Variants in SPIDR observed in about 807,000 individuals in gnomAD.
SPIDR encodes DNA repair-scaffolding protein.
In SPIDR, 93 loss-of-function variants were observed where a neutral mutation model predicts 104.6. That is an observed-to-expected ratio of 0.89 (90% CI 0.75 to 1.06). The LOEUF (loss-of-function observed/expected upper bound fraction) is 1.06, where lower values mean the gene tolerates loss of function less well. Ranked by LOEUF, SPIDR falls within the 50% of genes least tolerant of loss-of-function variation. The pLI is 0.00. For missense variants in SPIDR, 1,154 were observed against 1,111.2 expected (o/e 1.04, Z -0.55); for synonymous variants, 431 against 416.9 (o/e 1.03, Z -0.41).
At chr8:47,625,628 C>T (rs929331568) in intron 10 of SPIDR, among the ~76,000 whole-genome samples, 2 of 151,984 alleles carry the variant, frequency 1.3e-5, no homozygotes, top group African/African-American at 4.8e-5. Context: ...GAGTGAACTC[C>T]CATTCACAAT....
At chr8:47,716,714 G>T (rs2082635907) in intron 16 of SPIDR, among the ~76,000 whole-genome samples, 1 of 152,044 alleles carries the variant, frequency 6.6e-6, no homozygotes, top group Non-Finnish European at 1.5e-5. Flanking sequence ...AGGGTGGGTG[G>T]CCTTAGGACC....
At chr8:47,594,672 G>A (rs2154422112) in intron 8 of SPIDR, among the ~76,000 whole-genome samples, 1 of 152,114 alleles carries the variant, frequency 6.6e-6, no homozygotes, top group Non-Finnish European at 1.5e-5. Flanking sequence ...GGCTCCTTCA[G>A]CTCAAAACCT....
intron 10 of SPIDR, among the ~76,000 whole-genome samples, chr8:47,648,117 G>A (rs1345125137): frequency 6.6e-6 from 1 of 152,226 alleles, no homozygotes; most frequent in Non-Finnish European, 1.5e-5. Flanking sequence ...AAGCAAGAGA[G>A]TCTGAGTCCT....
At chr8:47,691,153 A>G (rs901005383) in intron 11 of SPIDR, among the ~76,000 whole-genome samples, 7 of 151,688 alleles carry the variant, frequency 4.6e-5, no homozygotes, top group East Asian at 1.9e-4. Flanking sequence ...TTAGCCCTGC[A>G]TGGTGGTGCA....
At chr8:47,447,412 C>T (rs1554702697) in intron 8 of SPIDR, among the ~76,000 whole-genome samples, 1 of 151,996 alleles carries the variant, frequency 6.6e-6, no homozygotes, top group Non-Finnish European at 1.5e-5. Flanking sequence ...TGGGGTTTCA[C>T]CATGTTGGCC....
In SPIDR at chr8:47,733,394, G is replaced by T. The variant is rs181101139; in HGVS notation, c.2605-1913G>T. Among the ~76,000 whole-genome samples the T allele has an allele frequency of 9.8e-4, 149 of 152,200 alleles. 1 individual carries two copies. The highest frequency in any genetic ancestry group is 3.0e-3 in the African/African-American group (126 of 41,526). On this transcript the variant is annotated intron_variant, in intron 19 of 19. Coordinates refer to ENST00000297423, the MANE Select transcript of SPIDR (RefSeq NM_001080394.4). ...AGAGCAAGACTCAGTCTCAAAAAAA[G>T]TAATAAAAAATTTTAAACTCCATTT...
At chr8:47,399,751 C>G (rs1245839803) in intron 6 of SPIDR, among the ~76,000 whole-genome samples, 1 of 152,108 alleles carries the variant, frequency 6.6e-6, no homozygotes, top group African/African-American at 2.4e-5. Context: ...AATAATGACC[C>G]GTGAAGCCTA....
chr8:47,299,832 G>A lies in SPIDR; in HGVS notation c.525+5802G>A, dbSNP rs868994685. ...GATCATGGTGGATAAGGTTTTTGAT[G>A]TGCTGCTGGATTCGGTGTGCCAGTG... On this transcript the variant is annotated intron_variant, in intron 5 of 19. Coordinates refer to ENST00000297423, the MANE Select transcript of SPIDR (RefSeq NM_001080394.4). 2.2e-4 allele frequency among the ~76,000 whole-genome samples: 33 copies of A among 152,280 alleles called. 1 individual carries two copies. Among genetic ancestry groups the A allele is most frequent in the African/African-American group, 6.5e-4 (27 of 41,556 alleles).
intron 5 of SPIDR, among the ~76,000 whole-genome samples, chr8:47,394,684 A>C (rs1385159117): frequency 6.6e-6 from 1 of 152,210 alleles, no homozygotes; most frequent in Non-Finnish European, 1.5e-5. Context: ...ATGGTACTTA[A>C]GACATCTCAT....
At chr8:47,476,018 A>G (rs968732640) in intron 8 of SPIDR, among the ~76,000 whole-genome samples, 2 of 152,250 alleles carry the variant, frequency 1.3e-5, no homozygotes, top group African/African-American at 2.4e-5. Flanking sequence ...TTTTTCTTAC[A>G]GAAATTGTTT....
At chr8:47,718,738 C>A (rs186558858) in intron 16 of SPIDR, among the ~76,000 whole-genome samples, 1 of 152,032 alleles carries the variant, frequency 6.6e-6, no homozygotes, top group East Asian at 1.9e-4. Flanking sequence ...AATAGAAATA[C>A]GGTCTTGGCC....
At chr8:47,485,209 A>G (rs1403400316) in intron 8 of SPIDR, among the ~76,000 whole-genome samples, 1 of 152,242 alleles carries the variant, frequency 6.6e-6, no homozygotes, top group East Asian at 1.9e-4. Context: ...TATCCCGTGC[A>G]AGGCTCGGAG....
chr8:47,655,730 T>C (rs1224850129), intron 10 of SPIDR, among the ~76,000 whole-genome samples: 1 of 152,228 alleles, frequency 6.6e-6, no homozygotes, highest in Non-Finnish European at 1.5e-5. Flanking sequence ...TTTAGTTTAA[T>C]TAGATCGCAT....
chr8:47,420,173 T>C (rs2065161897), intron 7 of SPIDR, among the ~76,000 whole-genome samples: 1 of 152,216 alleles, frequency 6.6e-6, no homozygotes, highest in African/African-American at 2.4e-5. Context: ...GTATCCTTGT[T>C]AACTTTGTGT....
At chr8:47,618,645 T>A (rs998621163) in intron 10 of SPIDR, among the ~76,000 whole-genome samples, 1 of 152,202 alleles carries the variant, frequency 6.6e-6, no homozygotes, top group African/African-American at 2.4e-5. Context: ...CGCATATAAT[T>A]GTTTTATATA....
intron 8 of SPIDR, among the ~76,000 whole-genome samples, chr8:47,571,498 A>G (rs1406469163): frequency 6.6e-6 from 1 of 152,216 alleles, no homozygotes; most frequent in Non-Finnish European, 1.5e-5. Flanking sequence ...TATATATCCT[A>G]CTTCCCTCCC....
chr8:47,441,678 A>G (rs577780469), intron 8 of SPIDR, among the ~76,000 whole-genome samples: 3 of 152,198 alleles, frequency 2.0e-5, no homozygotes, highest in South Asian at 4.1e-4. Context: ...GCCATCTTTT[A>G]TAGCTTCTGG....
intron 7 of SPIDR, among the ~76,000 whole-genome samples, chr8:47,425,746 TCA>T (rs2066303857): frequency 1.3e-5 from 2 of 152,214 alleles, no homozygotes; most frequent in Admixed American, 6.5e-5. Context: ...TACATTATAT[TCA>T]CACAGTAAAA....
intron 8 of SPIDR, among the ~76,000 whole-genome samples, chr8:47,558,752 G>T (rs1387623175): frequency 6.6e-6 from 1 of 152,006 alleles, no homozygotes; most frequent in African/African-American, 2.4e-5. Flanking sequence ...CCATTCTCCT[G>T]CCTCAGCCTC....
Sources: gnomAD v4.1 joint callset for allele counts (sites outside exome capture counted in the v4.1 genomes callset) on GRCh38, gnomAD v4.1.1 for gene constraint, MANE v1.5 for transcripts, NCBI Gene and HGNC (gene_info 2026-07-23, HGNC 2026-07-21) for gene names.